The following SLC35D2 variants were observed in gnomAD, a reference collection of about 807,000 sequenced individuals.
The protein encoded by SLC35D2 is nucleotide sugar transporter SLC35D2.
In SLC35D2, 43 loss-of-function variants were observed where a neutral mutation model predicts 41.8. That is an observed-to-expected ratio of 1.03 (90% CI 0.81 to 1.33). The LOEUF (loss-of-function observed/expected upper bound fraction) is 1.33. SLC35D2 is among the 40% of genes most tolerant of loss of function. The pLI, the probability that SLC35D2 is intolerant of heterozygous loss-of-function variation, is 0.00. For synonymous variants in SLC35D2, 150 were observed against 163.9 expected (o/e 0.92, Z 0.65); for missense variants, 380 against 408.4 (o/e 0.93, Z 0.60).
chr9:96,320,375 G>A (rs1828164822), downstream of SLC35D2, among the ~76,000 whole-genome samples: 1 of 152,158 alleles, frequency 6.6e-6, no homozygotes, highest in African/African-American at 2.4e-5. Context: ...AATTAGCAGG[G>A]CGTGGTGGCA....
In SLC35D2 at chr9:96,360,665, G is replaced by A. The variant is rs146206817; in HGVS notation, c.280-444C>T. Among the ~76,000 whole-genome samples the A allele has an allele frequency of 4.7e-3, 700 of 147,896 alleles. 8 individuals are homozygous for A. Among genetic ancestry groups the A allele is most frequent in the African/African-American group, 0.016 (639 of 40,070 alleles). On this transcript the variant is annotated intron_variant, in intron 3 of 11. Transcript: ENST00000253270. ...AAAAAAAAAAAAAAAGAAAAGGTGC[G>A]CCTTCTCACTAGTCATCAGGGAAAT...
chr9:96,373,376 T>C (rs751718361), intron 1 of SLC35D2, among the ~76,000 whole-genome samples: 17 of 152,130 alleles, frequency 1.1e-4, no homozygotes, highest in Non-Finnish European at 1.2e-4. Context: ...CCCTGATATG[T>C]CCTTTTTTTC....
At chr9:96,353,288 G>A (rs1217857042) in intron 4 of SLC35D2, among the ~76,000 whole-genome samples, 1 of 152,034 alleles carries the variant, frequency 6.6e-6, no homozygotes. Context: ...ACAAAACCAT[G>A]TAGGATCTAC....
chr9:96,338,284 T>G (rs1035483605), intron 8 of SLC35D2, among the ~76,000 whole-genome samples: 1 of 152,248 alleles, frequency 6.6e-6, no homozygotes, highest in African/African-American at 2.4e-5. Context: ...ATTCAAATTT[T>G]TAAACAATTA....
intron 1 of SLC35D2, among the ~76,000 whole-genome samples, chr9:96,370,122 GC>G (rs1442554728): frequency 6.6e-6 from 1 of 152,094 alleles, no homozygotes; most frequent in Non-Finnish European, 1.5e-5. Context: ...GTTGGTCTCT[GC>G]AGGGGTATAA....
chr9:96,350,000 T>A (rs1430116789), intron 6 of SLC35D2, among the ~76,000 whole-genome samples: 1 of 152,180 alleles, frequency 6.6e-6, no homozygotes, highest in Non-Finnish European at 1.5e-5. Context: ...GTCTAATGGG[T>A]GCTGGCCCTA....
At chr9:96,368,373 T>C (rs549395363) in intron 1 of SLC35D2, 68 bp from the exon 2 acceptor site, 2 of 1,136,322 alleles carry the variant, frequency 1.8e-6, no homozygotes, top group East Asian at 2.4e-5. Context: ...ACATAATAAA[T>C]AATGACAAGT....
intron 4 of SLC35D2, among the ~76,000 whole-genome samples, chr9:96,355,013 C>T (rs1021183328): frequency 1.7e-4 from 26 of 150,896 alleles, no homozygotes; most frequent in African/African-American, 5.8e-4. Flanking sequence ...GCCTGGGCAA[C>T]AGAGCAAGAC....
In SLC35D2 at chr9:96,321,540, T is replaced by C. The variant is rs547174378; in HGVS notation, c.915-199A>G. On this transcript the variant is annotated intron_variant, in intron 11 of 11. Transcript: ENST00000253270. ...GCCTTTGGAGGCAGAAAAAGAGTCA[T>C]CAAATCTAATGCAGAACCTCAGAGA... Among the ~76,000 whole-genome samples, 4 of 152,240 alleles carry C rather than the reference T, an allele frequency of 2.6e-5. No homozygotes were observed. In the East Asian group the frequency reaches 7.7e-4, roughly 29 times the overall value.
intron 9 of SLC35D2, among the ~76,000 whole-genome samples, chr9:96,324,626 C>G (rs1270248009): frequency 6.7e-6 from 1 of 148,220 alleles, no homozygotes; most frequent in East Asian, 2.1e-4. Flanking sequence ...AATCTCGGCT[C>G]ACTGCAACCT....
chr9:96,326,136 C>T (rs949262835), intron 9 of SLC35D2, among the ~76,000 whole-genome samples: 2 of 150,866 alleles, frequency 1.3e-5, no homozygotes, highest in Non-Finnish European at 3.0e-5. Flanking sequence ...TCGAAGTCTG[C>T]ATCAGGATTT....
chr9:96,329,178 T>G (rs1431476530), intron 9 of SLC35D2, among the ~76,000 whole-genome samples: 1 of 151,746 alleles, frequency 6.6e-6, no homozygotes, highest in African/African-American at 2.4e-5. Context: ...TTTACATATA[T>G]ACACACACAC....
At chr9:96,366,429 G>T (rs1183116247) in intron 2 of SLC35D2, among the ~76,000 whole-genome samples, 1 of 150,946 alleles carries the variant, frequency 6.6e-6, no homozygotes, top group Non-Finnish European at 1.5e-5. Flanking sequence ...TTGCAAATCA[G>T]AAAGGCTTTA....
At chr9:96,344,507 G>GT in intron 7 of SLC35D2, among the ~76,000 whole-genome samples, 1 of 24,340 alleles carries the variant, frequency 4.1e-5, no homozygotes, top group African/African-American at 3.5e-4. Flanking sequence ...AACTTCTACC[G>GT]TTAAAAAAAA....
chr9:96,321,714 C>G (rs1456392791), intron 11 of SLC35D2, among the ~76,000 whole-genome samples: 1 of 152,160 alleles, frequency 6.6e-6, no homozygotes, highest in Non-Finnish European at 1.5e-5. Context: ...TTAACACCCT[C>G]CACTTTATAG....
chr9:96,339,733 A>G (rs919432011), intron 8 of SLC35D2, among the ~76,000 whole-genome samples: 1 of 152,152 alleles, frequency 6.6e-6, no homozygotes, highest in Admixed American at 6.6e-5. Flanking sequence ...AATACTAAAG[A>G]AAGTTCACCC....
Position 96,370,966 on chromosome 9 carries a change from G to A in SLC35D2, c.159-2661C>T, listed in dbSNP as rs1357689655. Among the ~76,000 whole-genome samples, 7 of 152,280 alleles carry A rather than the reference G, an allele frequency of 4.6e-5. No homozygotes were observed. The East Asian group carries it at 1.4e-3, about 29-fold the overall frequency. ...TTTAGAAACACCCAGGAGCTACATG[G>A]CGACTGCTGAAAATGGAATGACCAA... On this transcript the variant is annotated intron_variant, in intron 1 of 11. Coordinates refer to ENST00000253270, the MANE Select transcript of SLC35D2 (RefSeq NM_007001.3).
At chr9:96,343,044 A>G (rs559298068) in intron 8 of SLC35D2, among the ~76,000 whole-genome samples, 1 of 152,116 alleles carries the variant, frequency 6.6e-6, no homozygotes. Flanking sequence ...CCCGCTGAGG[A>G]GGGTTTTGCC....
chr9:96,370,126 G>T (rs1830619680), intron 1 of SLC35D2, among the ~76,000 whole-genome samples: 2 of 152,044 alleles, frequency 1.3e-5, no homozygotes, highest in African/African-American at 4.8e-5. Context: ...GTCTCTGCAG[G>T]GGTATAACGG....
Sources: gnomAD v4.1 joint callset for allele counts (sites outside exome capture counted in the v4.1 genomes callset) on GRCh38, gnomAD v4.1.1 for gene constraint, MANE v1.5 for transcripts, NCBI Gene and HGNC (gene_info 2026-07-23, HGNC 2026-07-21) for gene names.